Variants in PLK1 observed in about 807,000 individuals in gnomAD.
PLK1 encodes serine/threonine-protein kinase PLK1.
A neutral mutation model predicts 56.7 loss-of-function variants in PLK1; 6 were observed. The ratio of observed to expected loss-of-function variants is 0.11; its 90% CI spans 0.06 to 0.21. The LOEUF is 0.21. Ranked by LOEUF, PLK1 falls within the 10% of genes least tolerant of loss-of-function variation. The probability of loss-of-function intolerance (pLI) is 1.00; values close to 1 mark genes in which losing one functional copy is unlikely to be tolerated. For synonymous variants in PLK1, 298 were observed against 325.0 expected (o/e 0.92, Z 0.89); for missense variants, 546 against 814.4 (o/e 0.67, Z 4.01).
Position 23,689,770 on chromosome 16 carries a change from C to T in PLK1, c.1609-90C>T, listed in dbSNP as rs1959509807. ...TGGGTTGAATGTGGAGTGAGCGGCT[C>T]AGGTACCTATAACCTGTTGTGTCTT... On this transcript the variant is annotated intron_variant, in intron 9 of 9. Coordinates refer to ENST00000300093, the MANE Select transcript of PLK1 (RefSeq NM_005030.6). This position sits in a 1 kb window ranked among gnomAD's most constrained non-coding sequence, Gnocchi z 4.8. 3.3e-6 allele frequency: 5 copies of T among 1,522,932 alleles called. No homozygotes were observed. The Admixed American group carries it at 5.1e-5, about 15-fold the overall frequency. The allele number at this position is 1,522,932 out of a possible 1,614,324, so 94.3% of individuals were successfully genotyped here.
At chr16:23,681,148 C>T (rs1373277612) in intron 3 of PLK1, 90 bp downstream of exon 3, 17 of 1,174,424 alleles carry the variant, frequency 1.4e-5, no homozygotes, top group Non-Finnish European at 2.1e-5. Context: ...GTGGACCTTT[C>T]GGCCTGCTTT....
At position 23,689,988 on chromosome 16, in the gene PLK1, G is replaced by T; in HGVS notation, c.1737G>T (p.Arg579=). The T allele has an allele frequency of 6.2e-7, 1 of 1,613,706 alleles. No homozygotes were observed. The highest frequency in any genetic ancestry group is 8.5e-7 in the Non-Finnish European group (1 of 1,180,004). The part of the protein sequence containing the change: ...EYGCCKELAS[R]LRYARTMVDK... ...GCTGCTGCAAGGAGCTGGCCAGCCG[G>T]CTCCGCTACGCCCGCACTATGGTGG... Residue 579 remains arginine (R), a synonymous_variant, in exon 10 of 10, where the codon CGG becomes CGT. Transcript: ENST00000300093. This position sits in a 1 kb window ranked among gnomAD's most constrained non-coding sequence, Gnocchi z 4.8.
chr16:23,690,009 G>A lies in PLK1; in HGVS notation c.1758G>A (p.Met586Ile). 6.2e-7 allele frequency: 1 copy of A among 1,613,428 alleles called. No homozygotes were observed. Among genetic ancestry groups the A allele is most frequent in the Non-Finnish European group, 8.5e-7 (1 of 1,180,016 alleles). ...GCCGGCTCCGCTACGCCCGCACTAT[G>A]GTGGACAAGCTGCTGAGCTCACGCT... ...LASRLRYART[M>I]VDKLLSSRSA... The change falls in exon 10 of 10, where the codon ATG becomes ATA. Residue 586 changes from methionine (M) to isoleucine (I), a missense_variant. Physicochemically the swap from Met to Ile is conservative, Grantham distance 10. Transcript: ENST00000300093.
In PLK1 at chr16:23,679,359, G is replaced by T; in HGVS notation, c.408+19G>T. 6.3e-7 allele frequency: 1 copy of T among 1,599,234 alleles called. No individual in the cohort carries two copies. The highest frequency in any genetic ancestry group is 1.3e-5 in the African/African-American group (1 of 74,894). On this transcript the variant is annotated intron_variant, in intron 1 of 9. Transcript: ENST00000300093. ...CCGGAGGGTGAGTGTCGCTGCTGGG[G>T]AACTGGAACTGCCTGCGGGGCAGTT... is the stretch of plus-strand genomic sequence containing the variant.
intron 5 of PLK1, among the ~76,000 whole-genome samples, chr16:23,686,537 G>T (rs1959430733): frequency 6.6e-6 from 1 of 152,060 alleles, no homozygotes; most frequent in African/African-American, 2.4e-5. Flanking sequence ...TTGTTGCCCA[G>T]GCTGGAGTGC....
In PLK1 at chr16:23,689,780, T is replaced by C; in HGVS notation, c.1609-80T>C. ...GTGGAGTGAGCGGCTCAGGTACCTA[T>C]AACCTGTTGTGTCTTCCCTCTACTC... On this transcript the variant is annotated intron_variant, in intron 9 of 9. Transcript: ENST00000300093. The surrounding 1 kb of genome is among the most constrained non-coding windows in gnomAD (Gnocchi z 4.8). The C allele has an allele frequency of 1.3e-6, 2 of 1,517,870 alleles. No individual in the cohort carries two copies. The highest frequency in any genetic ancestry group is 1.8e-6 in the Non-Finnish European group (2 of 1,099,952). 94.0% of individuals were successfully genotyped at this position (1,517,870 alleles called of 1,614,324 possible).
In PLK1 at chr16:23,689,567, G is replaced by A. The variant is rs751350031; in HGVS notation, c.1499G>A (p.Arg500His). Residue 500 changes from arginine (R) to histidine (H), a missense_variant, in exon 9 of 10, where the codon CGC (arginine) becomes CAC (histidine). Around this residue, in one of 7 missense-constraint regions of PLK1, gnomAD observed 113 missense variants for 202.0 expected, o/e 0.56. Transcript: ENST00000300093. The surrounding 1 kb of genome is among the most constrained non-coding windows in gnomAD (Gnocchi z 4.8). Reference sequence around the variant, plus strand: ...AAGGCAGGTGCCAACATCACGCCGCGCGAAGGTGATGAGCTCGCCCGGCTG... The same window carrying A: ...AAGGCAGGTGCCAACATCACGCCGCACGAAGGTGATGAGCTCGCCCGGCTG... ...LLKAGANITP[R>H]EGDELARLPY... 1.1e-5 allele frequency: 17 copies of A among 1,613,596 alleles called. No individual in the cohort carries two copies. The highest frequency in any genetic ancestry group is 5.5e-5 in the South Asian group (5 of 91,088).
Position 23,689,027 on chromosome 16 carries a change from C to T in PLK1, c.1271-211C>T, listed in dbSNP as rs561142298. ...GCCCCTAAGTAGCTGTGACTACAGGCGTGCACCATTATGCTCAGCTAATTT... is the reference window on the plus strand; with the variant it reads ...GCCCCTAAGTAGCTGTGACTACAGGTGTGCACCATTATGCTCAGCTAATTT... On this transcript the variant is annotated intron_variant, in intron 7 of 9. Transcript: ENST00000300093. The surrounding 1 kb of genome is among the most constrained non-coding windows in gnomAD (Gnocchi z 4.8). 2.0e-5 allele frequency among the ~76,000 whole-genome samples: 3 copies of T among 152,164 alleles called. No individual in the cohort carries two copies. Among genetic ancestry groups the T allele is most frequent in the South Asian group, 4.2e-4 (2 of 4,808 alleles).
rs1274670002 is a variant in PLK1, at chr16:23,683,937, C to T, written c.884C>T (p.Thr295Ile). 2 of 1,614,044 alleles carry T rather than the reference C, an allele frequency of 1.2e-6. No individual in the cohort carries two copies. The highest frequency in any genetic ancestry group is 1.7e-6 in the Non-Finnish European group (2 of 1,180,002). ...CAGACAGATCCCACTGCCCGCCCAA[C>T]CATTAACGAGCTGCTTAATGACGAG... ...MLQTDPTARPTINELLNDEFF... is the reference protein window; with the variant it reads ...MLQTDPTARPIINELLNDEFF... Residue 295 changes from threonine to isoleucine, a missense_variant, in exon 5 of 10, where the codon ACC becomes ATC. By Grantham distance (89) the Thr-to-Ile change is moderately conservative. Around this residue, in one of 7 missense-constraint regions of PLK1, gnomAD observed 157 missense variants for 184.0 expected, o/e 0.85. Transcript: ENST00000300093.
chr16:23,680,383 C>T, intron 2 of PLK1, 131 bp downstream of exon 2: 1 of 663,024 alleles, frequency 1.5e-6, no homozygotes, highest in Non-Finnish European at 2.6e-6. Context: ...TTTTTGTGCC[C>T]CAATGCAATA....
At position 23,681,026 on chromosome 16, in the gene PLK1, C is replaced by A. The variant is rs11645497; in HGVS notation, c.690C>A (p.Phe230Leu). The A allele has an allele frequency of 6.2e-6, 10 of 1,613,320 alleles. 1 individual carries two copies. In the South Asian group the frequency reaches 1.1e-4, roughly 18 times the overall value. Residue 230 changes from phenylalanine (F) to leucine (L), a missense_variant, in exon 3 of 10, where the codon TTC (phenylalanine) becomes TTA (leucine). Coordinates refer to ENST00000300093, the MANE Select transcript of PLK1 (RefSeq NM_005030.6). Reference sequence around the variant, plus strand: ...TGCTGAGCAAGAAAGGGCACAGTTTCGAGGTGGATGTGTGGTCCATTGGGT... The same window carrying A: ...TGCTGAGCAAGAAAGGGCACAGTTTAGAGGTGGATGTGTGGTCCATTGGGT... ...PEVLSKKGHS[F>L]EVDVWSIGCI...
chr16:23,688,794 CT>C, intron 7 of PLK1, 49 bp downstream of exon 7: 1 of 1,310,006 alleles, frequency 7.6e-7, no homozygotes, highest in Non-Finnish European at 1.1e-6. Flanking sequence ...GCCAGGTGAC[CT>C]TTTCAGTTGT....
At chr16:23,680,061 T>G (rs1959307073) in intron 1 of PLK1, 23 bp from the exon 2 acceptor site, 1 of 1,596,780 alleles carries the variant, frequency 6.3e-7, no homozygotes, top group Non-Finnish European at 8.6e-7. Context: ...CCATCCCTCC[T>G]GCCCTCTCCT....
chr16:23,689,755 G>T lies in PLK1; in HGVS notation c.1608+79G>T, dbSNP rs1299579868. The T allele has an allele frequency of 5.2e-6, 8 of 1,536,946 alleles. No individual in the cohort carries two copies. In the African/African-American group the frequency reaches 5.4e-5, roughly 10 times the overall value. ...TGGCAGTGGCCCATGTGGGTTGAAT[G>T]TGGAGTGAGCGGCTCAGGTACCTAT... On this transcript the variant is annotated intron_variant, in intron 9 of 9. Coordinates refer to ENST00000300093, the MANE Select transcript of PLK1 (RefSeq NM_005030.6). The surrounding 1 kb of genome is among the most constrained non-coding windows in gnomAD (Gnocchi z 4.8).
Position 23,684,052 on chromosome 16 carries a change from C to A in PLK1, c.999C>A (p.Asp333Glu). ...PRFSIAPSSL[D>E]PSNRKPLTVL... ...TTTCGATTGCTCCCAGCAGCCTGGA[C>A]CCCAGCAACCGGAAGCCCCTCACAG... Residue 333 changes from aspartate (D) to glutamate (E), a missense_variant, in exon 5 of 10, where the codon GAC becomes GAA. This residue lies in a region of PLK1 where 157 missense variants were observed against 184.0 expected (regional missense o/e 0.85). Coordinates refer to ENST00000300093, the MANE Select transcript of PLK1 (RefSeq NM_005030.6). 6.2e-7 allele frequency: 1 copy of A among 1,614,152 alleles called. No individual in the cohort carries two copies. Among genetic ancestry groups the A allele is most frequent in the Non-Finnish European group, 8.5e-7 (1 of 1,180,016 alleles).
At chr16:23,681,264 G>T (rs1340092388) in intron 3 of PLK1, among the ~76,000 whole-genome samples, 1 of 152,198 alleles carries the variant, frequency 6.6e-6, no homozygotes, top group African/African-American at 2.4e-5. Context: ...CCTAGGTCAT[G>T]GGTACAGCGG....
intron 3 of PLK1, 46 bp from the exon 4 acceptor site, chr16:23,682,018 G>GGTT: frequency 1.0e-6 from 1 of 959,426 alleles, no homozygotes; most frequent in Non-Finnish European, 1.7e-6. Flanking sequence ...CTCATGTCTG[G>GGTT]GTTGTGGCTG....
intron 5 of PLK1, among the ~76,000 whole-genome samples, chr16:23,685,242 C>T (rs923965464): frequency 1.3e-5 from 2 of 151,774 alleles, no homozygotes; most frequent in African/African-American, 4.8e-5. Flanking sequence ...ACAAAAAACT[C>T]CCCAGAGTTC....
In PLK1 at chr16:23,680,023, C is replaced by G. The variant is rs563794006; in HGVS notation, c.409-61C>G. On this transcript the variant is annotated intron_variant, in intron 1 of 9. Coordinates refer to ENST00000300093, the MANE Select transcript of PLK1 (RefSeq NM_005030.6). Reference sequence around the variant, plus strand: ...GCTTCCTTTGCCTGGTAACCCTCTCCCTTCCCCACCGGCCTCAATCCACCT... The same window carrying G: ...GCTTCCTTTGCCTGGTAACCCTCTCGCTTCCCCACCGGCCTCAATCCACCT... 5 of 1,233,378 alleles carry G rather than the reference C, an allele frequency of 4.1e-6. No individual in the cohort carries two copies. The Admixed American group carries it at 5.4e-5, about 13-fold the overall frequency. 76.4% of individuals were successfully genotyped at this position (1,233,378 alleles called of 1,614,324 possible).
Sources: allele counts gnomAD v4.1 joint callset (sites outside exome capture counted in the v4.1 genomes callset), GRCh38; gene constraint gnomAD v4.1.1; regional missense constraint gnomAD v4.1.1; non-coding constraint Gnocchi (gnomAD v3.1); transcripts MANE v1.5; gene names NCBI Gene and HGNC (gene_info 2026-07-23, HGNC 2026-07-21).